Variants in TMEM132B observed in about 807,000 individuals in gnomAD.
TMEM132B encodes the protein transmembrane protein 132B.
TMEM132B carries 18 observed loss-of-function variants against 90.8 expected under a neutral mutation model. The observed-to-expected ratio is 0.20, with a 90% CI of 0.14 to 0.29. The LOEUF (loss-of-function observed/expected upper bound fraction) is 0.29. TMEM132B is among the 10% of genes least tolerant of loss of function. TMEM132B has a pLI of 1.00. For synonymous variants in TMEM132B, 504 were observed against 523.3 expected, an observed-to-expected ratio of 0.96 and a Z score of 0.50; for missense variants, 1,096 against 1,326.8, an observed-to-expected ratio of 0.83 and a Z score of 2.70.
chr12:125,202,665 A>G (rs1014676723), intron 1 of TMEM132B, among the ~76,000 whole-genome samples: 2 of 152,244 alleles, frequency 1.3e-5, no homozygotes, highest in Non-Finnish European at 2.9e-5. Flanking sequence ...TGTCCCTTCA[A>G]TGTTGAGCCA....
chr12:125,326,470 C>G, intron 1 of TMEM132B: 2 of 821,356 alleles, frequency 2.4e-6, no homozygotes, highest in East Asian at 5.4e-5. Context: ...CAAAATGGAG[C>G]ACATGAGCTC....
intron 5 of TMEM132B, among the ~76,000 whole-genome samples, chr12:125,627,012 T>C (rs1190678192): frequency 6.6e-6 from 1 of 152,146 alleles, no homozygotes; most frequent in Admixed American, 6.5e-5. Context: ...TGTGTTTCAG[T>C]TGGGGTAATT....
intron 2 of TMEM132B, among the ~76,000 whole-genome samples, chr12:125,376,761 C>A (rs1038674964): frequency 6.6e-6 from 1 of 152,228 alleles, no homozygotes; most frequent in African/African-American, 2.4e-5. Context: ...TAAGGGGGAG[C>A]TGAGTGTGCC....
At chr12:125,272,591 G>A (rs1874868596) in intron 1 of TMEM132B, among the ~76,000 whole-genome samples, 1 of 152,086 alleles carries the variant, frequency 6.6e-6, no homozygotes, top group South Asian at 2.1e-4. Flanking sequence ...ATAAACTCGA[G>A]TTGGCACCAC....
intron 3 of TMEM132B, among the ~76,000 whole-genome samples, chr12:125,450,914 G>A (rs963154475): frequency 6.6e-6 from 1 of 152,050 alleles, no homozygotes; most frequent in Non-Finnish European, 1.5e-5. Flanking sequence ...TGATTTAACT[G>A]GATTGAATCA....
intron 2 of TMEM132B, among the ~76,000 whole-genome samples, chr12:125,412,079 C>T (rs959700800): frequency 7.9e-5 from 12 of 152,200 alleles, no homozygotes; most frequent in African/African-American, 2.7e-4. Context: ...ACTGGACCCT[C>T]TGCTTCTCAG....
chr12:125,562,883 G>T (rs1884567765), intron 4 of TMEM132B, among the ~76,000 whole-genome samples: 1 of 152,050 alleles, frequency 6.6e-6, no homozygotes, highest in Non-Finnish European at 1.5e-5. Flanking sequence ...AAATTACCCA[G>T]TCTTGGGTAT....
At chr12:125,552,285 G>T (rs749319423) in intron 4 of TMEM132B, among the ~76,000 whole-genome samples, 2 of 152,240 alleles carry the variant, frequency 1.3e-5, no homozygotes, top group Non-Finnish European at 2.9e-5. Flanking sequence ...AACCAAGCTT[G>T]TGTTCTTCTG....
intron 2 of TMEM132B, among the ~76,000 whole-genome samples, chr12:125,373,129 A>G (rs1002024180): frequency 9.9e-5 from 15 of 152,240 alleles, no homozygotes; most frequent in African/African-American, 3.6e-4. Context: ...CCCCCACATT[A>G]CAAGGTCAGC....
chr12:125,621,032 G>T (rs1266541736), intron 5 of TMEM132B, among the ~76,000 whole-genome samples: 1 of 152,196 alleles, frequency 6.6e-6, no homozygotes, highest in Non-Finnish European at 1.5e-5. Flanking sequence ...AACCTCATAA[G>T]AAGTTAAATC....
At chr12:125,467,814 ATT>A (rs1472138118) in intron 3 of TMEM132B, among the ~76,000 whole-genome samples, 3 of 152,240 alleles carry the variant, frequency 2.0e-5, no homozygotes, top group Non-Finnish European at 4.4e-5. Context: ...GTCTCTACAT[ATT>A]TGCCTATTTT....
At chr12:125,532,933 C>T (rs1883684116) in intron 4 of TMEM132B, among the ~76,000 whole-genome samples, 1 of 152,188 alleles carries the variant, frequency 6.6e-6, no homozygotes, top group African/African-American at 2.4e-5. Context: ...TCTCTGAGCA[C>T]TTTGATGTTG....
chr12:125,346,720 G>A (rs916393227), intron 1 of TMEM132B, among the ~76,000 whole-genome samples: 36 of 152,264 alleles, frequency 2.4e-4, no homozygotes, highest in African/African-American at 8.7e-4. Flanking sequence ...TCTATCTTTT[G>A]ATCCAAATCC....
intron 5 of TMEM132B, among the ~76,000 whole-genome samples, chr12:125,590,877 T>C (rs1273538727): frequency 6.6e-6 from 1 of 151,914 alleles, no homozygotes; most frequent in African/African-American, 2.4e-5. Context: ...TAGAAGGTGC[T>C]GTAGCTCAAG....
In TMEM132B at chr12:125,415,857, T is replaced by C. The variant is rs563743676; in HGVS notation, c.1106+180T>C. 5.9e-5 allele frequency among the ~76,000 whole-genome samples: 9 copies of C among 152,228 alleles called. No individual in the cohort carries two copies. The highest frequency in any genetic ancestry group is 8.8e-5 in the Non-Finnish European group (6 of 68,038). ...TTCACATTTATCACAGCGTCGGGTT[T>C]GGTAACCGCGTTTTAAATTTTTATC... On this transcript the variant is annotated intron_variant, in intron 3 of 8. Transcript: ENST00000682704. This position sits in a 1 kb window ranked among gnomAD's most constrained non-coding sequence, Gnocchi z 5.3.
chr12:125,615,758 G>A (rs928613645), intron 5 of TMEM132B, among the ~76,000 whole-genome samples: 1 of 152,068 alleles, frequency 6.6e-6, no homozygotes, highest in Non-Finnish European at 1.5e-5. Context: ...GGCAGTATCT[G>A]GTACCTGTTT....
chr12:125,354,927 C>T (rs1158737817), intron 2 of TMEM132B, among the ~76,000 whole-genome samples: 2 of 152,120 alleles, frequency 1.3e-5, no homozygotes, highest in Admixed American at 6.6e-5. Flanking sequence ...GTACTAGTCA[C>T]GTCCATGTTA....
intron 2 of TMEM132B, among the ~76,000 whole-genome samples, chr12:125,359,281 T>G (rs1385935823): frequency 6.6e-6 from 1 of 152,240 alleles, no homozygotes; most frequent in Non-Finnish European, 1.5e-5. Flanking sequence ...GATGTGTTCC[T>G]ACACCCAATA....
intron 4 of TMEM132B, among the ~76,000 whole-genome samples, chr12:125,533,400 A>G (rs1162635358): frequency 6.6e-6 from 1 of 152,230 alleles, no homozygotes; most frequent in Non-Finnish European, 1.5e-5. Flanking sequence ...AATAATTATT[A>G]CAGCCTCTCC....
Sources: gnomAD v4.1 joint callset for allele counts (sites outside exome capture counted in the v4.1 genomes callset) on GRCh38, gnomAD v4.1.1 for gene constraint, Gnocchi (gnomAD v3.1) non-coding constraint, MANE v1.5 for transcripts, NCBI Gene and HGNC (gene_info 2026-07-23, HGNC 2026-07-21) for gene names.